Variants in RBFOX1 observed in about 807,000 individuals in gnomAD.
RBFOX1 encodes the protein RNA binding fox-1 homolog 1.
A neutral mutation model predicts 57.7 loss-of-function variants in RBFOX1; 8 were observed. The ratio of observed to expected loss-of-function variants is 0.14; its 90% CI spans 0.08 to 0.25. The LOEUF (loss-of-function observed/expected upper bound fraction) is 0.25, where lower values mean the gene tolerates loss of function less well. Ranked by LOEUF, RBFOX1 falls within the 10% of genes least tolerant of loss-of-function variation. The pLI, the probability that RBFOX1 is intolerant of heterozygous loss-of-function variation, is 1.00. For missense variants in RBFOX1, 611 were observed against 548.5 expected (o/e 1.11, Z -1.14); for synonymous variants, 326 against 222.4 (o/e 1.47, Z -4.15).
At chr16:6,767,365 G>A (rs988243754) in intron 3 of RBFOX1, among the ~76,000 whole-genome samples, 4 of 152,144 alleles carry the variant, frequency 2.6e-5, no homozygotes, top group African/African-American at 9.7e-5. Context: ...CCCTGAGAAT[G>A]TGGCCAACCT....
At chr16:7,576,872 T>G (rs1194186126) in intron 5 of RBFOX1, among the ~76,000 whole-genome samples, 2 of 152,194 alleles carry the variant, frequency 1.3e-5, no homozygotes, top group African/African-American at 2.4e-5. Flanking sequence ...TGGAAGAGAA[T>G]GGACTGGAAG....
intron 3 of RBFOX1, among the ~76,000 whole-genome samples, chr16:6,860,925 C>G (rs1421321989): frequency 6.6e-6 from 1 of 151,586 alleles, no homozygotes; most frequent in East Asian, 1.9e-4. Context: ...ATGAATGTGC[C>G]CAAAAATATA....
intron 3 of RBFOX1, among the ~76,000 whole-genome samples, chr16:7,026,944 C>T (rs972539423): frequency 6.6e-6 from 1 of 152,154 alleles, no homozygotes; most frequent in African/African-American, 2.4e-5. Flanking sequence ...AGGAAGGCTG[C>T]AAAGTGCTTG....
At chr16:6,680,720 C>T (rs1030436191) in intron 3 of RBFOX1, among the ~76,000 whole-genome samples, 25 of 152,126 alleles carry the variant, frequency 1.6e-4, no homozygotes, top group African/African-American at 4.8e-4. Context: ...CAGACTTCTG[C>T]GGTTCTGATT....
At chr16:6,529,167 A>G (rs1003391058) in intron 2 of RBFOX1, among the ~76,000 whole-genome samples, 1 of 152,134 alleles carries the variant, frequency 6.6e-6, no homozygotes, top group African/African-American at 2.4e-5. Context: ...ATAACTTGAC[A>G]TTTGCTAAAA....
chr16:7,119,933 A>G (rs2066744029), intron 4 of RBFOX1, among the ~76,000 whole-genome samples: 1 of 152,174 alleles, frequency 6.6e-6, no homozygotes, highest in Admixed American at 6.6e-5. Context: ...ATATTTACCA[A>G]GATAAACCAT....
rs553853541 is a variant in RBFOX1 at position 6,713,262 on chromosome 16, G to C, written c.-16+58612G>C. Among the ~76,000 whole-genome samples the C allele has an allele frequency of 2.0e-4, 14 of 69,516 alleles. No individual in the cohort carries two copies. In the South Asian group the frequency reaches 6.0e-3, roughly 30 times the overall value. The allele number at this position is 69,516 out of a possible 152,430, so 45.6% of individuals were successfully genotyped here. A position where few individuals can be genotyped will look rare whatever the true frequency, so the allele number is the denominator to read the frequency against. ...ATGCAACTCTGACCATATCATACCT[G>C]GGTTTTTGTTTGTTTGTGTAATAAT... On this transcript the variant is annotated intron_variant, in intron 3 of 15. Coordinates refer to ENST00000550418, the MANE Select transcript of RBFOX1 (RefSeq NM_018723.4).
intron 4 of RBFOX1, among the ~76,000 whole-genome samples, chr16:7,164,263 G>C (rs2078982642): frequency 6.6e-6 from 1 of 152,050 alleles, no homozygotes; most frequent in Non-Finnish European, 1.5e-5. Context: ...ATGGTTTTCA[G>C]CTCCATCCAG....
At chr16:6,666,047 AC>A (rs2098730646) in intron 3 of RBFOX1, among the ~76,000 whole-genome samples, 1 of 151,872 alleles carries the variant, frequency 6.6e-6, no homozygotes, top group South Asian at 2.1e-4. Context: ...ATAAGAGGAA[AC>A]CCCTTTCGCT....
intron 1 of RBFOX1, among the ~76,000 whole-genome samples, chr16:6,133,451 C>G (rs928096614): frequency 6.6e-6 from 1 of 152,196 alleles, no homozygotes; most frequent in East Asian, 1.9e-4. Context: ...TTCCCTGCCT[C>G]TTGGGATGGC....
chr16:6,392,271 C>A (rs1227197633), intron 2 of RBFOX1, among the ~76,000 whole-genome samples: 1 of 152,184 alleles, frequency 6.6e-6, no homozygotes, highest in African/African-American at 2.4e-5. Context: ...GACACTGCGT[C>A]TTATTTTGTC....
chr16:6,142,147 T>G (rs1403948768), intron 1 of RBFOX1, among the ~76,000 whole-genome samples: 1 of 143,854 alleles, frequency 7.0e-6, no homozygotes, highest in Non-Finnish European at 1.5e-5. Context: ...AAAATCAGCT[T>G]TTCTATATAA....
chr16:7,022,994 G>C (rs960306686), intron 3 of RBFOX1, among the ~76,000 whole-genome samples: 4 of 152,168 alleles, frequency 2.6e-5, no homozygotes, highest in African/African-American at 9.7e-5. Flanking sequence ...AAATGCTTTT[G>C]CAGAAGTTGG....
chr16:6,280,695 G>A (rs1172643698), intron 1 of RBFOX1, among the ~76,000 whole-genome samples: 1 of 151,986 alleles, frequency 6.6e-6, no homozygotes, highest in African/African-American at 2.4e-5. Context: ...AAAATTCATT[G>A]CGGGAGAGAA....
chr16:6,511,492 A>C (rs2096254141), intron 2 of RBFOX1, among the ~76,000 whole-genome samples: 1 of 152,186 alleles, frequency 6.6e-6, no homozygotes, highest in South Asian at 2.1e-4. Flanking sequence ...TTTAGAATCA[A>C]AATTAGTTTT....
intron 4 of RBFOX1, among the ~76,000 whole-genome samples, chr16:7,333,643 C>T (rs2096732488): frequency 6.6e-6 from 1 of 152,156 alleles, no homozygotes; most frequent in South Asian, 2.1e-4. Context: ...CTAGGAATCC[C>T]TTGCCAGATG....
chr16:7,670,080 G>GGAGT (rs2070878045), intron 13 of RBFOX1, among the ~76,000 whole-genome samples: 1 of 152,162 alleles, frequency 6.6e-6, no homozygotes, highest in Admixed American at 6.5e-5. Flanking sequence ...CACCCAGGGT[G>GGAGT]GAGTGCAGTG....
intron 3 of RBFOX1, among the ~76,000 whole-genome samples, chr16:6,897,147 C>G (rs1386382413): frequency 5.9e-5 from 9 of 152,112 alleles, no homozygotes; most frequent in Non-Finnish European, 1.3e-4. Flanking sequence ...AATAACTTGC[C>G]CAAGCTGACA....
At chr16:5,847,395 C>A (rs992131643) in intron 3 of RBFOX1, among the ~76,000 whole-genome samples, 1 of 151,810 alleles carries the variant, frequency 6.6e-6, no homozygotes, top group Non-Finnish European at 1.5e-5. Context: ...TAAAATAGAT[C>A]CTGATTGCAT....
Sources: allele counts gnomAD v4.1 joint callset (sites outside exome capture counted in the v4.1 genomes callset), GRCh38; gene constraint gnomAD v4.1.1; transcripts MANE v1.5; gene names NCBI Gene and HGNC (gene_info 2026-07-23, HGNC 2026-07-21).